SLC41A3: variants seen among roughly 807,000 people sequenced by gnomAD.
SLC41A3 encodes the protein solute carrier family 41 member 3, also known as SLC41A1-like 2.
SLC41A3 carries 44 observed loss-of-function variants against 45.4 expected under a neutral mutation model. The observed-to-expected ratio is 0.97, with a 90% CI of 0.76 to 1.25. The LOEUF (loss-of-function observed/expected upper bound fraction) is 1.25. SLC41A3 is among the 50% of genes most tolerant of loss of function. SLC41A3 has a pLI of 0.00. For synonymous variants in SLC41A3, 256 were observed against 252.4 expected (o/e 1.01, Z -0.13); for missense variants, 550 against 600.6 (o/e 0.92, Z 0.88).
intron 2 of SLC41A3, among the ~76,000 whole-genome samples, chr3:126,063,183 G>C (rs1944159518): frequency 6.6e-6 from 1 of 152,166 alleles, no homozygotes; most frequent in African/African-American, 2.4e-5. Context: ...CAGCTACTGA[G>C]GTCTCCTTAA....
In SLC41A3 at chr3:126,071,407, A is replaced by C. The variant is rs866799689; in HGVS notation, c.-27-3161T>G. Among the ~76,000 whole-genome samples the C allele has an allele frequency of 6.6e-5, 10 of 152,332 alleles. 1 individual carries two copies. In the Middle Eastern group the frequency reaches 0.017, roughly 259 times the overall value. ...CTAACAACAAAGCCCCCAAATACATAAAAGTGGCAGAACTGAAGGAAGAAA... is the reference window on the plus strand; with the variant it reads ...CTAACAACAAAGCCCCCAAATACATCAAAGTGGCAGAACTGAAGGAAGAAA... On this transcript the variant is annotated intron_variant, in intron 1 of 10. Transcript: ENST00000360370.
At chr3:126,016,332 A>G (rs7609604) in intron 7 of SLC41A3, among the ~76,000 whole-genome samples, 52,235 of 152,178 alleles carry the variant, frequency 0.34, 9,260 homozygotes, top group Middle Eastern at 0.43. Flanking sequence ...CGAGTGAGTC[A>G]GCAGATGTGG....
intron 5 of SLC41A3, chr3:126,024,804 G>C (rs1168744912): frequency 1.3e-5 from 2 of 152,282 alleles, no homozygotes; most frequent in Non-Finnish European, 2.9e-5. Context: ...AGCTGGAGGA[G>C]AGTCCATTCA....
chr3:126,047,646 G>A (rs201872476), intron 3 of SLC41A3, among the ~76,000 whole-genome samples: 3 of 152,310 alleles, frequency 2.0e-5, no homozygotes, highest in East Asian at 1.9e-4. Flanking sequence ...AATGGGAAAA[G>A]GAGAGTCTTC....
chr3:126,064,276 A>G (rs1049717679), intron 2 of SLC41A3, among the ~76,000 whole-genome samples: 1 of 151,990 alleles, frequency 6.6e-6, no homozygotes, highest in Non-Finnish European at 1.5e-5. Flanking sequence ...TCCTTATCTC[A>G]GGGCAGGAAC....
intron 2 of SLC41A3, among the ~76,000 whole-genome samples, chr3:126,062,829 G>A (rs1444376844): frequency 6.6e-6 from 1 of 152,168 alleles, no homozygotes; most frequent in African/African-American, 2.4e-5. Context: ...TGCAAAGCAA[G>A]CCAACTCAAA....
intron 3 of SLC41A3, among the ~76,000 whole-genome samples, chr3:126,045,172 A>T (rs1481018591): frequency 6.6e-6 from 1 of 151,972 alleles, no homozygotes; most frequent in Non-Finnish European, 1.5e-5. Flanking sequence ...AATCAATTCC[A>T]TTAAAAAAAG....
chr3:126,009,869 C>G (rs564009582), intron 9 of SLC41A3, among the ~76,000 whole-genome samples: 50 of 152,334 alleles, frequency 3.3e-4, no homozygotes, highest in Non-Finnish European at 5.3e-4. Flanking sequence ...AGGTGCACAA[C>G]ACAGAAAATA....
chr3:126,079,240 C>CACACACACACACACA (rs35781435), intron 1 of SLC41A3, among the ~76,000 whole-genome samples: 14 of 100,772 alleles, frequency 1.4e-4, no homozygotes, highest in African/African-American at 3.6e-4. Context: ...ACACACACAC[C>CACACACACACACACA]CACACACGAT....
chr3:126,056,828 C>T, intron 2 of SLC41A3: 5 of 1,271,254 alleles, frequency 3.9e-6, no homozygotes, highest in Non-Finnish European at 4.0e-6. Flanking sequence ...GTCAGGCTCT[C>T]CTCAGACAGT....
Position 126,026,426 on chromosome 3 carries a change from G to A in SLC41A3, c.507C>T (p.Gly169=), listed in dbSNP as rs140068017. 1,706 of 1,597,670 alleles carry A rather than the reference G, an allele frequency of 1.1e-3. 18 individuals carry two copies. The African/African-American group carries it at 0.019, about 17-fold the overall frequency. The change falls in exon 5 of 11, where the codon GGC becomes GGT. Residue 169 remains glycine (G), a synonymous_variant. Coordinates refer to ENST00000360370, the MANE Select transcript of SLC41A3 (RefSeq NM_017836.4). This position sits in a 1 kb window ranked among gnomAD's most constrained non-coding sequence, Gnocchi z 4.2. The stretch of plus-strand genomic sequence containing the variant: ...CATCCACTTCCTCTCGAGACACCAC[G>A]CCCAACAGCAGCGCAGCCACAGCAG... ...LLAAVAALLL[G]VVSREEVDVA... is the part of the protein sequence containing the mutation.
rs5852464 is a variant in SLC41A3 at position 126,059,263 on chromosome 3, G to GAAAGAAAGAAAGAAAGAAAAGAAAGAGA, written c.274-8214_274-8213insTCTCTTTCTTTTCTTTCTTTCTTTCTTT. ...AGAAAGAAAGAAAGAAAGAAAGAAAGAAGAAAGAAAGAAAGAAAGAAAGAA... is the reference window on the plus strand; with the variant it reads ...AGAAAGAAAGAAAGAAAGAAAGAAAGAAAGAAAGAAAGAAAGAAAAGAAAGAGAAAGAAAGAAAGAAAGAAAGAAAGAA... On this transcript the variant is annotated intron_variant, in intron 2 of 10. Coordinates refer to ENST00000360370, the MANE Select transcript of SLC41A3 (RefSeq NM_017836.4). 1.4e-3 allele frequency among the ~76,000 whole-genome samples: 16 copies of GAAAGAAAGAAAGAAAGAAAAGAAAGAGA among 11,744 alleles called. 4 individuals are homozygous for GAAAGAAAGAAAGAAAGAAAAGAAAGAGA. The highest frequency in any genetic ancestry group is 5.3e-3 in the Admixed American group (5 of 950). 7.7% of individuals were successfully genotyped at this position (11,744 alleles called of 152,430 possible).
chr3:126,085,949 C>G (rs561394578), upstream of SLC41A3, among the ~76,000 whole-genome samples: 76 of 152,230 alleles, frequency 5.0e-4, no homozygotes, highest in African/African-American at 1.8e-3. Context: ...TGAGCCCTCT[C>G]AAAGGTAATA....
At chr3:126,057,312 G>A (rs766944795) in intron 2 of SLC41A3, among the ~76,000 whole-genome samples, 2 of 152,170 alleles carry the variant, frequency 1.3e-5, no homozygotes, top group African/African-American at 4.8e-5. Context: ...AAGTGGCCTC[G>A]CTTTCTTCAG....
intron 8 of SLC41A3, 70 bp downstream of exon 8, chr3:126,015,424 G>C (rs562635760): frequency 2.6e-6 from 4 of 1,526,244 alleles, no homozygotes; most frequent in African/African-American, 2.7e-5. Flanking sequence ...GAGGTCTGCT[G>C]TTCCGGTCCA....
chr3:126,020,393 G>T (rs1180308309), intron 6 of SLC41A3, among the ~76,000 whole-genome samples: 1 of 152,184 alleles, frequency 6.6e-6, no homozygotes, highest in Non-Finnish European at 1.5e-5. Flanking sequence ...TTTCAGCCAT[G>T]CTAATCTCCT....
intron 2 of SLC41A3, among the ~76,000 whole-genome samples, chr3:126,058,758 A>G (rs186638539): frequency 2.0e-5 from 3 of 152,334 alleles, no homozygotes; most frequent in African/African-American, 4.8e-5. Flanking sequence ...CAATCTGGAA[A>G]GACACATCCA....
chr3:126,022,916 A>G lies in SLC41A3; in HGVS notation c.615T>C (p.Cys205=). ...CGAGCTTTCGAGCACCAATCACTAT[A>G]CAGACCATCAGCACCCCTGCAGAGA... ...AAFALGVLMV[C]IVIGARKLGV... Residue 205 remains cysteine (C), a synonymous_variant, in exon 6 of 11, where the codon TGT becomes TGC. Transcript: ENST00000360370. 6.2e-7 allele frequency: 1 copy of G among 1,614,186 alleles called. No individual in the cohort carries two copies. The highest frequency in any genetic ancestry group is 8.5e-7 in the Non-Finnish European group (1 of 1,180,036).
intron 2 of SLC41A3, among the ~76,000 whole-genome samples, chr3:126,060,108 T>C (rs1943976116): frequency 6.6e-6 from 1 of 152,212 alleles, no homozygotes; most frequent in Admixed American, 6.5e-5. Context: ...CAAAAATGTT[T>C]CTCAAATCTG....
Sources: gnomAD v4.1 joint callset for allele counts (sites outside exome capture counted in the v4.1 genomes callset) on GRCh38, gnomAD v4.1.1 for gene constraint, Gnocchi (gnomAD v3.1) non-coding constraint, MANE v1.5 for transcripts, NCBI Gene and HGNC (gene_info 2026-07-23, HGNC 2026-07-21) for gene names.